Variants in LRCH1 observed in about 807,000 individuals in gnomAD.
The protein encoded by LRCH1 is leucine rich repeats and calponin homology domain containing 1.
Under a neutral mutation model 94.9 loss-of-function variants are expected in LRCH1, and 23 were observed. The ratio of observed to expected loss-of-function variants is 0.24; its 90% confidence interval spans 0.17 to 0.34. The LOEUF (loss-of-function observed/expected upper bound fraction) is 0.34. Among genes scored for constraint, LRCH1 ranks in the 10% least tolerant of loss-of-function variants. LRCH1 has a pLI of 1.00. For missense variants in LRCH1, 790 were observed against 945.9 expected (o/e 0.84, Z 2.16); for synonymous variants, 364 against 354.9 (o/e 1.03, Z -0.29).
At chr13:46,639,984 G>T (rs1218610958) in intron 1 of LRCH1, among the ~76,000 whole-genome samples, 1 of 152,150 alleles carries the variant, frequency 6.6e-6, no homozygotes, top group Non-Finnish European at 1.5e-5. Flanking sequence ...TAACTGCTTT[G>T]CATGCATCAT....
rs764728050 is a variant in LRCH1 at position 46,699,390 on chromosome 13, C to A, written c.1300C>A (p.Gln434Lys). ...ACGGATAGAAGAGGATGTGCACTGG[C>A]AAACTGAGGGCATGTGAGTGCCGAG... ...LLRIEEDVHW[Q>K]TEGIISSSKD... is the part of the protein sequence containing the mutation. The change falls in exon 10 of 20, where the codon CAA (glutamine) becomes AAA (lysine). Residue 434 changes from glutamine (Q) to lysine (K), a missense_variant. This residue lies in a region of LRCH1 where 460 missense variants were observed against 508.9 expected (regional missense o/e 0.90). Coordinates refer to ENST00000389797, the MANE Select transcript of LRCH1 (RefSeq NM_001164211.2). 11 of 1,613,864 alleles carry A rather than the reference C, an allele frequency of 6.8e-6. No individual in the cohort carries two copies. In the African/African-American group the frequency reaches 1.1e-4, roughly 16 times the overall value.
intron 18 of LRCH1, among the ~76,000 whole-genome samples, chr13:46,731,297 G>T (rs1207055324): frequency 6.6e-6 from 1 of 152,074 alleles, no homozygotes; most frequent in East Asian, 1.9e-4. Flanking sequence ...GAGTGCAGTG[G>T]CACGATCTTG....
At chr13:46,662,515 C>A (rs548337690) in intron 2 of LRCH1, among the ~76,000 whole-genome samples, 1 of 152,136 alleles carries the variant, frequency 6.6e-6, no homozygotes, top group African/African-American at 2.4e-5. Flanking sequence ...GCATTCAATT[C>A]CATTTTAAAA....
At chr13:46,588,510 G>A (rs562304874) in intron 1 of LRCH1, among the ~76,000 whole-genome samples, 2 of 151,298 alleles carry the variant, frequency 1.3e-5, no homozygotes, top group African/African-American at 2.4e-5. Context: ...AAAAATTGAA[G>A]AATTTATGTA....
intron 1 of LRCH1, among the ~76,000 whole-genome samples, chr13:46,565,812 A>AAAAAATAAT (rs2050176709): frequency 7.1e-6 from 1 of 140,146 alleles, no homozygotes; most frequent in Non-Finnish European, 1.5e-5. Flanking sequence ...TCTGTCTCCA[A>AAAAAATAAT]AATAATAATA....
intron 13 of LRCH1, 24 bp from the exon 14 acceptor site, chr13:46,711,767 C>A: frequency 6.2e-7 from 1 of 1,601,202 alleles, no homozygotes; most frequent in Non-Finnish European, 8.5e-7. Flanking sequence ...TGGAACATAC[C>A]ATGCTTTGTT....
chr13:46,689,301 A>G lies in LRCH1; in HGVS notation c.1014+105A>G, dbSNP rs915035820. On this transcript the variant is annotated intron_variant, in intron 7 of 19. Transcript: ENST00000389797. The stretch of plus-strand genomic sequence containing the variant: ...AGGGCATCGATTCATTTGTATATTC[A>G]TGTGATATTCGTAAAAGTGATTTGT... 14 of 773,002 alleles carry G rather than the reference A, an allele frequency of 1.8e-5. No individual in the cohort carries two copies. The East Asian group carries it at 2.6e-4, about 15-fold the overall frequency. 47.9% of individuals were successfully genotyped at this position (773,002 alleles called of 1,614,324 possible).
At chr13:46,622,405 T>C (rs541499617) in intron 1 of LRCH1, among the ~76,000 whole-genome samples, 6 of 152,178 alleles carry the variant, frequency 3.9e-5, no homozygotes, top group African/African-American at 1.2e-4. Flanking sequence ...TTTGCATCTT[T>C]CCTAACAGGC....
intron 10 of LRCH1, among the ~76,000 whole-genome samples, chr13:46,700,709 G>A (rs1871418543): frequency 6.6e-6 from 1 of 152,158 alleles, no homozygotes; most frequent in Non-Finnish European, 1.5e-5. Flanking sequence ...AACCCTATAT[G>A]CATGAAAGTA....
chr13:46,646,434 C>T (rs2051222087), intron 1 of LRCH1, among the ~76,000 whole-genome samples: 1 of 152,192 alleles, frequency 6.6e-6, no homozygotes, highest in Non-Finnish European at 1.5e-5. Context: ...ATCCTCTCTC[C>T]AGAAACAACC....
rs534191600 is a variant in LRCH1, at chr13:46,670,533, G to A, written c.579+1377G>A. Among the ~76,000 whole-genome samples, 25 of 152,274 alleles carry A rather than the reference G, an allele frequency of 1.6e-4. No individual in the cohort carries two copies. In the South Asian group the frequency reaches 3.3e-3, roughly 20 times the overall value. On this transcript the variant is annotated intron_variant, in intron 3 of 19. Transcript: ENST00000389797. ...GAGGCAGATCTGGTCTGATGTTCTC[G>A]CCGACTGAGTCTGCTGTGCCCAAGG...
chr13:46,553,484 C>G lies in LRCH1; in HGVS notation c.88C>G (p.His30Asp). 6.5e-7 allele frequency: 1 copy of G among 1,548,520 alleles called. No individual in the cohort carries two copies. Among genetic ancestry groups the G allele is most frequent in the Non-Finnish European group, 8.7e-7 (1 of 1,145,804 alleles). The change falls in exon 1 of 20, where the codon CAC becomes GAC. Residue 30 changes from histidine to aspartate, a missense_variant. His to Asp is a moderately conservative substitution (Grantham distance 81). Coordinates refer to ENST00000389797, the MANE Select transcript of LRCH1 (RefSeq NM_001164211.2). ...LHPLHHPHHHHHHHQHHGGTG... is the reference protein window; with the variant it reads ...LHPLHHPHHHDHHHQHHGGTG... ...CCCACTTCATCATCCCCACCACCAC[C>G]ACCACCACCATCAGCACCACGGAGG...
At chr13:46,556,164 G>A (rs997916226) in intron 1 of LRCH1, among the ~76,000 whole-genome samples, 1 of 150,926 alleles carries the variant, frequency 6.6e-6, no homozygotes, top group Non-Finnish European at 1.5e-5. Flanking sequence ...GACAGGGAGT[G>A]GTAGAGCAAG....
chr13:46,589,726 G>A (rs752910482), intron 1 of LRCH1, among the ~76,000 whole-genome samples: 3 of 149,440 alleles, frequency 2.0e-5, no homozygotes, highest in Non-Finnish European at 3.0e-5. Flanking sequence ...TCAGCCTTCC[G>A]AGTAGGTGGG....
chr13:46,704,343 G>A (rs752496140), intron 11 of LRCH1, among the ~76,000 whole-genome samples: 29 of 151,936 alleles, frequency 1.9e-4, no homozygotes, highest in Non-Finnish European at 4.0e-4. Context: ...GCCATTGATT[G>A]TGGGATTAAA....
At chr13:46,674,853 A>G (rs2051649400) in intron 3 of LRCH1, among the ~76,000 whole-genome samples, 1 of 152,242 alleles carries the variant, frequency 6.6e-6, no homozygotes, top group Non-Finnish European at 1.5e-5. Context: ...AGGTTTTTTA[A>G]TCAGCGTCCT....
At chr13:46,626,727 T>A (rs556032521) in intron 1 of LRCH1, among the ~76,000 whole-genome samples, 1 of 152,196 alleles carries the variant, frequency 6.6e-6, no homozygotes, top group Non-Finnish European at 1.5e-5. Context: ...AATACAATTT[T>A]TGCTGAAGTT....
intron 5 of LRCH1, among the ~76,000 whole-genome samples, chr13:46,686,593 C>T (rs867528445): frequency 2.0e-5 from 3 of 152,044 alleles, no homozygotes; most frequent in Middle Eastern, 3.4e-3. Flanking sequence ...TGTAAGGCTC[C>T]CTTCCTTGGG....
intron 5 of LRCH1, among the ~76,000 whole-genome samples, chr13:46,686,952 A>ATTTTTTTTTTTTT (rs71077916): frequency 1.2e-5 from 1 of 85,436 alleles, no homozygotes; most frequent in Non-Finnish European, 2.1e-5. Flanking sequence ...GAGTATATTG[A>ATTTTTTTTTTTTT]TTTTTTTTTT....
Sources: allele counts gnomAD v4.1 joint callset (sites outside exome capture counted in the v4.1 genomes callset), GRCh38; gene constraint gnomAD v4.1.1; regional missense constraint gnomAD v4.1.1; transcripts MANE v1.5; gene names NCBI Gene and HGNC (gene_info 2026-07-23, HGNC 2026-07-21).